Variants in APCDD1 observed in about 807,000 individuals in gnomAD.
APCDD1 encodes the protein APC down-regulated 1.
Under a neutral mutation model 38.1 loss-of-function variants are expected in APCDD1, and 15 were observed. The ratio of observed to expected loss-of-function variants is 0.39; its 90% CI spans 0.26 to 0.61. The LOEUF (loss-of-function observed/expected upper bound fraction) is 0.61. Among genes scored for constraint, APCDD1 ranks in the 20% least tolerant of loss-of-function variants. The pLI is 0.49. For missense variants in APCDD1, 647 were observed against 696.2 expected (o/e 0.93, Z 0.79); for synonymous variants, 261 against 279.7 (o/e 0.93, Z 0.67).
Position 10,475,994 on chromosome 18 carries a change from A to G in APCDD1, c.774+3933A>G, listed in dbSNP as rs2030990784. 2 of 152,248 alleles carry G rather than the reference A, an allele frequency of 1.3e-5. No individual in the cohort carries two copies. The highest frequency in any genetic ancestry group is 1.3e-4 in the Admixed American group (2 of 15,294). 9.4% of individuals were successfully genotyped at this position (152,248 alleles called of 1,614,324 possible). On this transcript the variant is annotated intron_variant, in intron 3 of 4. Transcript: ENST00000355285. This position sits in a 1 kb window ranked among gnomAD's most constrained non-coding sequence, Gnocchi z 4.0. Reference sequence around the variant, plus strand: ...GTCTTTCCAGACCCGGGCACCAGAAAGACTGGGCACTGTGTGCCCACGCGG... The same window carrying G: ...GTCTTTCCAGACCCGGGCACCAGAAGGACTGGGCACTGTGTGCCCACGCGG...
In APCDD1 at chr18:10,471,799, G is replaced by T; in HGVS notation, c.512G>T (p.Cys171Phe). 6.2e-7 allele frequency: 1 copy of T among 1,613,696 alleles called. No homozygotes were observed. Among genetic ancestry groups the T allele is most frequent in the Non-Finnish European group, 8.5e-7 (1 of 1,179,766 alleles). ...CTCGGCCAGCAGGTGAACCGCACAT[G>T]CCCGGGCTTCCTCGCAGACGGGGGT... ...EKLGQQVNRT[C>F]PGFLADGGPW... Residue 171 changes from cysteine (C) to phenylalanine (F), a missense_variant, in exon 3 of 5, where the codon TGC becomes TTC. By Grantham distance (205) the Cys-to-Phe change is radical. Coordinates refer to ENST00000355285, the MANE Select transcript of APCDD1 (RefSeq NM_153000.5). This position sits in a 1 kb window ranked among gnomAD's most constrained non-coding sequence, Gnocchi z 5.5.
intron 1 of APCDD1, among the ~76,000 whole-genome samples, chr18:10,461,724 A>G (rs539913932): frequency 6.6e-6 from 1 of 152,278 alleles, no homozygotes; most frequent in East Asian, 1.9e-4. Flanking sequence ...ACTCACAGCC[A>G]TTTTCTTAAT....
In APCDD1 at chr18:10,455,057, A is replaced by G. The variant is rs1394433264; in HGVS notation, c.58+18A>G. ...GCTTCACGGTGAGTTCCCGAGGGCC[A>G]CTCGAGCGCTCCCAGCCGGCGGAGG... On this transcript the variant is annotated intron_variant, in intron 1 of 4. Transcript: ENST00000355285. 1.9e-6 allele frequency: 3 copies of G among 1,558,490 alleles called. No individual in the cohort carries two copies. The Admixed American group carries it at 5.6e-5, about 29-fold the overall frequency.
rs2030733450 is a variant in APCDD1, at chr18:10,467,045, GA to G, written c.59-1420del. Among the ~76,000 whole-genome samples, 1 of 152,186 alleles carries G rather than the reference GA, an allele frequency of 6.6e-6. No individual in the cohort carries two copies. The highest frequency in any genetic ancestry group is 2.4e-5 in the African/African-American group (1 of 41,450). ...GGGAAAATCTGGGAGTTCAGATACG[GA>G]AAATTCTGTCTTCTCAACACCAAGA... is the stretch of plus-strand genomic sequence containing the variant. On this transcript the variant is annotated intron_variant, in intron 1 of 4. Transcript: ENST00000355285. This position sits in a 1 kb window ranked among gnomAD's most constrained non-coding sequence, Gnocchi z 4.8.
chr18:10,462,128 C>T (rs1029935146), intron 1 of APCDD1, among the ~76,000 whole-genome samples: 1 of 152,140 alleles, frequency 6.6e-6, no homozygotes, highest in African/African-American at 2.4e-5. Flanking sequence ...GATTAACCAA[C>T]ACTTCCAATT....
Position 10,485,441 on chromosome 18 carries a change from GTGTT to G in APCDD1, c.775-15_775-12del. On this transcript the variant is annotated splice_polypyrimidine_tract_variant and intron_variant, in intron 3 of 4. Transcript: ENST00000355285. The surrounding 1 kb of genome is among the most constrained non-coding windows in gnomAD (Gnocchi z 5.8). ...CTTGGGAAGATAGAGGCCTCTGAAT[GTGTT>G]TGTTTCTTGGCTTCAGAACCACGAC... The G allele has an allele frequency of 6.2e-7, 1 of 1,613,238 alleles. No homozygotes were observed. Among genetic ancestry groups the G allele is most frequent in the Non-Finnish European group, 8.5e-7 (1 of 1,179,982 alleles).
In APCDD1 at chr18:10,454,750, A is replaced by G. The variant is rs1390998804; in HGVS notation, c.-232A>G. 3.1e-6 allele frequency: 3 copies of G among 980,400 alleles called. No individual in the cohort carries two copies. The highest frequency in any genetic ancestry group is 3.6e-6 in the Non-Finnish European group (3 of 828,192). 60.7% of individuals were successfully genotyped at this position (980,400 alleles called of 1,614,324 possible). A position where few individuals can be genotyped will look rare whatever the true frequency, so the allele number is the denominator to read the frequency against. The stretch of plus-strand genomic sequence containing the variant: ...GGAGAAGTCGGGGCGGGCGGCAGAG[A>G]GGCCGGGACGCGGACCGGGCCGGGG... On this transcript the variant is annotated 5_prime_UTR_variant, in exon 1 of 5. Transcript: ENST00000355285.
At chr18:10,455,098 G>A (rs1360158038) in intron 1 of APCDD1, 59 bp downstream of exon 1, 4 of 1,542,574 alleles carry the variant, frequency 2.6e-6, no homozygotes, top group South Asian at 2.4e-5. Flanking sequence ...CGGGCGCCGC[G>A]GAGCCCGCGG....
intron 3 of APCDD1, among the ~76,000 whole-genome samples, chr18:10,479,784 ACTC>A (rs1178102804): frequency 1.3e-5 from 2 of 152,038 alleles, no homozygotes; most frequent in African/African-American, 4.8e-5. Flanking sequence ...AGCCTCCGAG[ACTC>A]GAATATCCTG....
At chr18:10,457,182 T>C (rs1173938828) in intron 1 of APCDD1, among the ~76,000 whole-genome samples, 2 of 152,164 alleles carry the variant, frequency 1.3e-5, no homozygotes. Flanking sequence ...AGGAAATCAT[T>C]GTTCAAGTTA....
chr18:10,454,877 T>A lies in APCDD1; in HGVS notation c.-105T>A, dbSNP rs2030327584. On this transcript the variant is annotated 5_prime_UTR_variant, in exon 1 of 5. Transcript: ENST00000355285. ...GCGGCAGCCGCCTGAAGCCCCGGCC[T>A]GGCCCGGCCGCACCCGGCCGGAGGC... 8.0e-7 allele frequency: 1 copy of A among 1,243,352 alleles called. No individual in the cohort carries two copies. Among genetic ancestry groups the A allele is most frequent in the Admixed American group, 4.3e-5 (1 of 23,354 alleles). 77.0% of individuals were successfully genotyped at this position (1,243,352 alleles called of 1,614,324 possible). A position where few individuals can be genotyped will look rare whatever the true frequency, so the allele number is the denominator to read the frequency against.
intron 1 of APCDD1, among the ~76,000 whole-genome samples, chr18:10,464,287 T>C (rs1439494661): frequency 6.9e-6 from 1 of 145,946 alleles, no homozygotes; most frequent in Non-Finnish European, 1.5e-5. Context: ...TCCAGGCCAG[T>C]GAGACCTTAA....
chr18:10,480,732 G>A (rs1213823723), intron 3 of APCDD1, among the ~76,000 whole-genome samples: 1 of 151,962 alleles, frequency 6.6e-6, no homozygotes, highest in Non-Finnish European at 1.5e-5. Flanking sequence ...TCCAGTCATG[G>A]TGGTGCACAC....
In APCDD1 at chr18:10,469,603, G is replaced by A. The variant is rs939995809; in HGVS notation, c.242+951G>A. The stretch of plus-strand genomic sequence containing the variant: ...GTCCCTGTCTTCAAGGGTTTTATAA[G>A]TAAATACACAAGAAGTACTATGAAA... On this transcript the variant is annotated intron_variant, in intron 2 of 4. Transcript: ENST00000355285. The surrounding 1 kb of genome is among the most constrained non-coding windows in gnomAD (Gnocchi z 5.5). 1.3e-5 allele frequency among the ~76,000 whole-genome samples: 2 copies of A among 152,144 alleles called. No homozygotes were observed. The highest frequency in any genetic ancestry group is 2.9e-5 in the Non-Finnish European group (2 of 68,022).
chr18:10,475,601 T>A lies in APCDD1; in HGVS notation c.774+3540T>A, dbSNP rs1287090420. On this transcript the variant is annotated intron_variant, in intron 3 of 4. Coordinates refer to ENST00000355285, the MANE Select transcript of APCDD1 (RefSeq NM_153000.5). This position sits in a 1 kb window ranked among gnomAD's most constrained non-coding sequence, Gnocchi z 4.0. ...GGACAGAGACTTCACTTTTGGTACC[T>A]GTTGCATTTTGTGCTGTGATCTTCT... Among the ~76,000 whole-genome samples the A allele has an allele frequency of 6.6e-6, 1 of 151,796 alleles. No individual in the cohort carries two copies. The highest frequency in any genetic ancestry group is 1.5e-5 in the Non-Finnish European group (1 of 67,940).
intron 3 of APCDD1, among the ~76,000 whole-genome samples, chr18:10,473,672 A>G (rs1180469250): frequency 1.3e-5 from 2 of 152,176 alleles, no homozygotes; most frequent in African/African-American, 2.4e-5. Context: ...TGATACCTGG[A>G]CTGGGGTGTG....
At chr18:10,466,812 CAG>C (rs2030728178) in intron 1 of APCDD1, among the ~76,000 whole-genome samples, 1 of 152,172 alleles carries the variant, frequency 6.6e-6, no homozygotes, top group Non-Finnish European at 1.5e-5. Context: ...AGGCAAGAAT[CAG>C]GGGACTTGGC....
At chr18:10,465,564 T>A (rs763071392) in intron 1 of APCDD1, among the ~76,000 whole-genome samples, 31 of 152,242 alleles carry the variant, frequency 2.0e-4, no homozygotes, top group Non-Finnish European at 3.8e-4. Context: ...TCACACAGCA[T>A]CAATCAACTA....
At chr18:10,462,426 TCCC>T (rs2030572060) in intron 1 of APCDD1, among the ~76,000 whole-genome samples, 2 of 18,102 alleles carry the variant, frequency 1.1e-4, no homozygotes, top group African/African-American at 8.6e-4. Context: ...TTCCTTCCTT[TCCC>T]CCTTGCTCCC....
Sources: gnomAD v4.1 joint callset for allele counts (sites outside exome capture counted in the v4.1 genomes callset) on GRCh38, gnomAD v4.1.1 for gene constraint, Gnocchi (gnomAD v3.1) non-coding constraint, MANE v1.5 for transcripts, NCBI Gene and HGNC (gene_info 2026-07-23, HGNC 2026-07-21) for gene names.